MED13L: variants seen among roughly 807,000 people sequenced by gnomAD.
The protein encoded by MED13L is mediator of RNA polymerase II transcription subunit 13-like.
Under a neutral mutation model 220.9 loss-of-function variants are expected in MED13L, and 7 were observed. The observed-to-expected ratio is 0.03, with a 90% CI of 0.02 to 0.06. MED13L has a LOEUF of 0.06. MED13L is among the 10% of genes least tolerant of loss of function. The probability of loss-of-function intolerance (pLI) is 1.00; values close to 1 mark genes in which losing one functional copy is unlikely to be tolerated. For synonymous variants in MED13L, 1,011 were observed against 1,015.2 expected (o/e 1.00, Z 0.08); for missense variants, 1,965 against 2,760.5 (o/e 0.71, Z 6.46).
chr12:116,028,611 T>C (rs763763155), intron 4 of MED13L, among the ~76,000 whole-genome samples: 3 of 152,138 alleles, frequency 2.0e-5, no homozygotes, highest in African/African-American at 7.2e-5. Context: ...TCAGACACAA[T>C]GTAACTTAAA....
chr12:116,143,284 CA>C (rs1877231876), intron 2 of MED13L, among the ~76,000 whole-genome samples: 1 of 147,112 alleles, frequency 6.8e-6, no homozygotes, highest in South Asian at 2.1e-4. Flanking sequence ...CGAGGCAGGG[CA>C]GGGGTGAATC....
intron 5 of MED13L, among the ~76,000 whole-genome samples, chr12:116,021,691 T>G (rs1033366211): frequency 2.0e-5 from 3 of 152,162 alleles, no homozygotes; most frequent in African/African-American, 7.2e-5. Flanking sequence ...GCTAAGACTA[T>G]TTCAACCAGT....
At chr12:116,012,004 A>C (rs529434317) in intron 9 of MED13L, among the ~76,000 whole-genome samples, 1 of 152,360 alleles carries the variant, frequency 6.6e-6, no homozygotes, top group Non-Finnish European at 1.5e-5. Context: ...CATCTTCTAA[A>C]TATGCTTATC....
intron 2 of MED13L, among the ~76,000 whole-genome samples, chr12:116,188,374 A>G (rs1881039324): frequency 6.8e-6 from 1 of 147,036 alleles, no homozygotes. Flanking sequence ...GAATGAAAAC[A>G]GTCACAGAAA....
At chr12:116,191,078 C>T (rs1418373594) in intron 2 of MED13L, among the ~76,000 whole-genome samples, 5 of 139,918 alleles carry the variant, frequency 3.6e-5, no homozygotes, top group Non-Finnish European at 7.6e-5. Flanking sequence ...GGCAAAAGAG[C>T]GAGACTCTGT....
intron 2 of MED13L, among the ~76,000 whole-genome samples, chr12:116,199,386 C>G (rs1450864127): frequency 6.6e-6 from 1 of 152,222 alleles, no homozygotes; most frequent in African/African-American, 2.4e-5. Context: ...CAGCACACTT[C>G]ACGCACACTT....
chr12:116,117,303 A>T (rs1874612233), intron 2 of MED13L, among the ~76,000 whole-genome samples: 1 of 152,170 alleles, frequency 6.6e-6, no homozygotes, highest in African/African-American at 2.4e-5. Context: ...GTTGATACCA[A>T]AGGGACACCG....
At chr12:116,166,451 G>A (rs1282726693) in intron 2 of MED13L, among the ~76,000 whole-genome samples, 2 of 151,978 alleles carry the variant, frequency 1.3e-5, no homozygotes, top group African/African-American at 2.4e-5. Flanking sequence ...TTAGCCAGGC[G>A]CTGGCCCGTG....
chr12:116,264,547 T>C (rs375093471), intron 1 of MED13L, among the ~76,000 whole-genome samples: 14 of 152,312 alleles, frequency 9.2e-5, no homozygotes, highest in Non-Finnish European at 1.3e-4. Context: ...AGTTACAAGA[T>C]TGAGATTGTT....
intron 1 of MED13L, among the ~76,000 whole-genome samples, chr12:116,261,860 C>G (rs985243945): frequency 7.2e-5 from 11 of 152,220 alleles, no homozygotes; most frequent in Admixed American, 2.0e-4. Flanking sequence ...TTCCTTCTCT[C>G]CATTCCTACT....
intron 2 of MED13L, among the ~76,000 whole-genome samples, chr12:116,141,773 G>C (rs1877097237): frequency 6.6e-6 from 1 of 152,108 alleles, no homozygotes; most frequent in Admixed American, 6.5e-5. Flanking sequence ...GTGGTAGCTA[G>C]AGGAATCCCT....
chr12:116,054,234 G>A (rs571421848), intron 4 of MED13L, among the ~76,000 whole-genome samples: 11 of 148,348 alleles, frequency 7.4e-5, no homozygotes, highest in Admixed American at 4.7e-4. Context: ...ACACACACAC[G>A]TACGTCTTAC....
intron 16 of MED13L, among the ~76,000 whole-genome samples, chr12:115,993,908 C>A (rs1878233283): frequency 6.6e-6 from 1 of 152,108 alleles, no homozygotes; most frequent in African/African-American, 2.4e-5. Context: ...AGACATGAAG[C>A]AAATGATTGC....
chr12:116,001,827 T>C (rs370082148), intron 14 of MED13L, among the ~76,000 whole-genome samples: 2 of 152,214 alleles, frequency 1.3e-5, no homozygotes, highest in Admixed American at 6.5e-5. Context: ...CTTTTTTGGA[T>C]AGAAATGAGA....
chr12:116,197,943 G>A (rs576745526), intron 2 of MED13L, among the ~76,000 whole-genome samples: 1 of 152,156 alleles, frequency 6.6e-6, no homozygotes, highest in Non-Finnish European at 1.5e-5. Flanking sequence ...ATTTTAACAT[G>A]TTCATATAAA....
intron 13 of MED13L, among the ~76,000 whole-genome samples, chr12:116,004,803 A>G (rs935343023): frequency 7.9e-5 from 12 of 152,318 alleles, no homozygotes; most frequent in Admixed American, 1.3e-4. Context: ...GTAATGGTAT[A>G]TAATATCTGT....
Position 116,258,747 on chromosome 12 carries a change from G to T in MED13L, c.72+18313C>A, listed in dbSNP as rs1032131063. Among the ~76,000 whole-genome samples, 3 of 148,978 alleles carry T rather than the reference G, an allele frequency of 2.0e-5. No individual in the cohort carries two copies. The East Asian group carries it at 5.9e-4, about 29-fold the overall frequency. On this transcript the variant is annotated intron_variant, in intron 1 of 30. Coordinates refer to ENST00000281928, the MANE Select transcript of MED13L (RefSeq NM_015335.5). ...AGCGAGATTACACCACTGCACTCCG[G>T]CCTGGGCGACAGAGTGAGACTCCAT...
At chr12:116,097,522 T>C (rs891403007) in intron 3 of MED13L, among the ~76,000 whole-genome samples, 1 of 152,204 alleles carries the variant, frequency 6.6e-6, no homozygotes, top group Non-Finnish European at 1.5e-5. Flanking sequence ...AGGCAATACT[T>C]TTTACGTGAT....
chr12:116,032,639 C>A (rs1273599232), intron 4 of MED13L, among the ~76,000 whole-genome samples: 1 of 152,206 alleles, frequency 6.6e-6, no homozygotes, highest in East Asian at 1.9e-4. Context: ...TTACTTCTTA[C>A]AAGTTTTCCT....
Sources: allele counts gnomAD v4.1 joint callset (sites outside exome capture counted in the v4.1 genomes callset), GRCh38; gene constraint gnomAD v4.1.1; transcripts MANE v1.5; gene names NCBI Gene and HGNC (gene_info 2026-07-23, HGNC 2026-07-21).